Variants in ARAP1 observed in about 807,000 individuals in gnomAD.
ARAP1 encodes arf-GAP with Rho-GAP domain, ANK repeat and PH domain-containing protein 1.
ARAP1 carries 76 observed loss-of-function variants against 172.2 expected under a neutral mutation model. That is an observed-to-expected ratio of 0.44 (90% CI 0.37 to 0.53). ARAP1 has a LOEUF of 0.53. Ranked by LOEUF, ARAP1 falls within the 20% of genes least tolerant of loss-of-function variation. ARAP1 has a pLI of 0.00. For missense variants in ARAP1, 1,686 were observed against 1,977.5 expected (o/e 0.85, Z 2.80); for synonymous variants, 804 against 803.3 (o/e 1.00, Z -0.01).
At chr11:72,709,502 G>C (rs1856913243) in intron 11 of ARAP1, among the ~76,000 whole-genome samples, 3 of 152,174 alleles carry the variant, frequency 2.0e-5, no homozygotes, top group Admixed American at 2.0e-4. Flanking sequence ...CAGAGGCTTG[G>C]TGGCCCAGAG....
chr11:72,691,527 G>A (rs147563213), intron 30 of ARAP1, among the ~76,000 whole-genome samples: 4 of 152,358 alleles, frequency 2.6e-5, no homozygotes, highest in African/African-American at 9.6e-5. Context: ...GGGCAAAGGA[G>A]AGAAGAGACG....
intron 13 of ARAP1, 77 bp downstream of exon 13, chr11:72,705,728 G>A: frequency 1.4e-6 from 2 of 1,467,090 alleles, no homozygotes; most frequent in East Asian, 2.3e-5. Flanking sequence ...ACTGAGATAG[G>A]GAGGGGGCTG....
At chr11:72,687,337 G>T in intron 33 of ARAP1, 102 bp downstream of exon 33, 2 of 1,429,890 alleles carry the variant, frequency 1.4e-6, no homozygotes, top group Non-Finnish European at 2.0e-6. Context: ...AAATCTCCTT[G>T]AAGCAAGGGG....
intron 33 of ARAP1, 110 bp from the exon 34 acceptor site, chr11:72,686,301 A>G (rs1033388298): frequency 2.9e-6 from 4 of 1,389,920 alleles, no homozygotes; most frequent in Non-Finnish European, 3.9e-6. Flanking sequence ...CTGAGATGAC[A>G]CCCTCAGCTT....
chr11:72,685,905 G>A lies in ARAP1; in HGVS notation c.4335+137C>T, dbSNP rs755565200. On this transcript the variant is annotated intron_variant, in intron 34 of 34. Transcript: ENST00000393609. ...GTGTGAACCAAAGAGGCCTATGAGG[G>A]CCCCCACCAAGGCTGGAGGGAGGGG... 3 of 1,515,012 alleles carry A rather than the reference G, an allele frequency of 2.0e-6. No individual in the cohort carries two copies. The South Asian group carries it at 3.4e-5, about 17-fold the overall frequency. 93.8% of individuals were successfully genotyped at this position (1,515,012 alleles called of 1,614,324 possible). A position where few individuals can be genotyped will look rare whatever the true frequency, so the allele number is the denominator to read the frequency against.
intron 1 of ARAP1, among the ~76,000 whole-genome samples, chr11:72,744,265 T>C (rs2135593093): frequency 6.6e-6 from 1 of 152,278 alleles, no homozygotes; most frequent in South Asian, 2.1e-4. Context: ...GTCCCAAAGG[T>C]GGCACACAGT....
chr11:72,705,794 G>C lies in ARAP1; in HGVS notation c.1809+11C>G, dbSNP rs372799785. ...ACCCCAAGTATCGGTGGCAAGCAGGGGCATCCCCACCTCGATAAGTGTTTC... is the reference window on the plus strand; with the variant it reads ...ACCCCAAGTATCGGTGGCAAGCAGGCGCATCCCCACCTCGATAAGTGTTTC... On this transcript the variant is annotated intron_variant, in intron 13 of 34. Transcript: ENST00000393609. The C allele has an allele frequency of 6.2e-7, 1 of 1,613,776 alleles. No homozygotes were observed. The highest frequency in any genetic ancestry group is 1.3e-5 in the African/African-American group (1 of 74,884).
intron 33 of ARAP1, among the ~76,000 whole-genome samples, chr11:72,687,044 C>T (rs1855721014): frequency 6.6e-6 from 1 of 152,204 alleles, no homozygotes; most frequent in Non-Finnish European, 1.5e-5. Context: ...TTGCCTAAAC[C>T]GTTCCCTCTG....
At position 72,726,632 on chromosome 11, in the gene ARAP1, C is replaced by CG. The variant is rs752278780; in HGVS notation, c.496dup (p.Arg166ProfsTer9). 1.2e-5 allele frequency: 18 copies of CG among 1,513,604 alleles called. No homozygotes were observed. The highest frequency in any genetic ancestry group is 5.5e-5 in the African/African-American group (4 of 73,318). The allele number at this position is 1,513,604 out of a possible 1,614,324, so 93.8% of individuals were successfully genotyped here. On this transcript the variant is annotated frameshift_variant, in exon 3 of 35. Transcript: ENST00000393609. LOFTEE classifies it high-confidence loss of function. This position sits in a 1 kb window ranked among gnomAD's most constrained non-coding sequence, Gnocchi z 6.5. ...GGCATCCACTCACCTCACCAGCAGGCGGGGGGGTCCGGTGCGGGGCGGCAC... is the reference window on the plus strand; with the variant it reads ...GGCATCCACTCACCTCACCAGCAGGCGGGGGGGGTCCGGTGCGGGGCGGCAC...
intron 2 of ARAP1, among the ~76,000 whole-genome samples, chr11:72,728,241 C>T (rs938697135): frequency 6.6e-6 from 1 of 152,178 alleles, no homozygotes; most frequent in African/African-American, 2.4e-5. Context: ...AGAAGGTCAA[C>T]TGAGAAACTA....
At position 72,697,309 on chromosome 11, in the gene ARAP1, G is replaced by A. The variant is rs374949815; in HGVS notation, c.2953+14C>T. ...CGGGAGGGGCGGGGCTGGCACCCTA[G>A]GGGCAGGGCTCACCGCACTGCGTGA... On this transcript the variant is annotated intron_variant, in intron 21 of 34. Coordinates refer to ENST00000393609, the MANE Select transcript of ARAP1 (RefSeq NM_001040118.3). 6.3e-7 allele frequency: 1 copy of A among 1,577,078 alleles called. No individual in the cohort carries two copies. The highest frequency in any genetic ancestry group is 8.6e-7 in the Non-Finnish European group (1 of 1,160,534).
In ARAP1 at chr11:72,751,266, A is replaced by G. The variant is rs1334929759; in HGVS notation, c.-128+1062T>C. Among the ~76,000 whole-genome samples the G allele has an allele frequency of 2.6e-5, 4 of 152,052 alleles. No individual in the cohort carries two copies. In the East Asian group the frequency reaches 7.7e-4, roughly 29 times the overall value. On this transcript the variant is annotated intron_variant, in intron 1 of 34. Transcript: ENST00000393609. The stretch of plus-strand genomic sequence containing the variant: ...TTCTCTCTACACCTCTGCCAGCCAC[A>G]CCCACCTTTCTGCCATTCCTCAGAC...
rs766013033 is a variant in ARAP1, at chr11:72,697,472, T to C, written c.2804A>G (p.Gln935Arg). Residue 935 changes from glutamine to arginine, a missense_variant, in exon 21 of 35, where the codon CAG (glutamine) becomes CGG (arginine). Physicochemically the swap from Gln to Arg is conservative, Grantham distance 43. This residue lies in a region of ARAP1 where 274 missense variants were observed against 262.7 expected (regional missense o/e 1.04). Transcript: ENST00000393609. ...CATGAAGTCCAGCCGCCGCTCGCCC[T>C]GTATGTACAGTGTCCTGGGCCAGGG... ...LVERRRTLYI[Q>R]GERRLDFMGW... 3.1e-6 allele frequency: 5 copies of C among 1,613,602 alleles called. No individual in the cohort carries two copies. The East Asian group carries it at 6.7e-5, about 22-fold the overall frequency.
In ARAP1 at chr11:72,693,253, C is replaced by A; in HGVS notation, c.3954+72G>T. 4 of 1,563,268 alleles carry A rather than the reference C, an allele frequency of 2.6e-6. No individual in the cohort carries two copies. The highest frequency in any genetic ancestry group is 3.5e-6 in the Non-Finnish European group (4 of 1,150,004). On this transcript the variant is annotated intron_variant, in intron 29 of 34. Transcript: ENST00000393609. The surrounding 1 kb of genome is among the most constrained non-coding windows in gnomAD (Gnocchi z 4.6). ...AACGGGAATATTTCCACTTGCAGAC[C>A]AAGGGGAATCTCTGAGCACATTCAG...
At chr11:72,712,619 C>T in intron 5 of ARAP1, 51 bp from the exon 6 acceptor site, 2 of 1,607,506 alleles carry the variant, frequency 1.2e-6, no homozygotes, top group South Asian at 1.1e-5. Flanking sequence ...CCACAGATCA[C>T]ACCCACCCGG....
intron 2 of ARAP1, among the ~76,000 whole-genome samples, chr11:72,730,256 G>A (rs561257305): frequency 6.6e-6 from 1 of 152,236 alleles, no homozygotes; most frequent in South Asian, 2.1e-4. Context: ...TATCTGAAAA[G>A]GAACTTAACC....
chr11:72,699,491 C>G lies in ARAP1; in HGVS notation c.2364G>C (p.Arg788=). ...DGVLSYFENE[R]AVTPNGEIRA... ...GAATCTCTCCATTGGGGGTCACTGCCCGCTCATTCTCAAAGTAGCTCAGGA... is the reference window on the plus strand; with the variant it reads ...GAATCTCTCCATTGGGGGTCACTGCGCGCTCATTCTCAAAGTAGCTCAGGA... The change falls in exon 17 of 35, where the codon CGG becomes CGC. Residue 788 remains arginine (R), a synonymous_variant. Coordinates refer to ENST00000393609, the MANE Select transcript of ARAP1 (RefSeq NM_001040118.3). The surrounding 1 kb of genome is among the most constrained non-coding windows in gnomAD (Gnocchi z 4.2). 6.2e-7 allele frequency: 1 copy of G among 1,614,006 alleles called. No homozygotes were observed. Among genetic ancestry groups the G allele is most frequent in the South Asian group, 1.1e-5 (1 of 91,044 alleles).
rs776130856 is a variant in ARAP1 at position 72,709,907 on chromosome 11, G to A, written c.1486C>T (p.Arg496Cys). The stretch of plus-strand genomic sequence containing the variant: ...TAGGGCGTGGTGAGGTCGAAGCTGC[G>A]CCGGTCCACTTCCTTCACGTTGCCC... Reference protein sequence around the residue: ...SVGNVKEVDRRSFDLTTPYRI... With the variant: ...SVGNVKEVDRCSFDLTTPYRI... Residue 496 changes from arginine (R) to cysteine (C), a missense_variant, in exon 11 of 35, where the codon CGC becomes TGC. Physicochemically the swap from Arg to Cys is radical, Grantham distance 180 (BLOSUM62 -3). This residue lies in a region of ARAP1 where 688 missense variants were observed against 856.9 expected (regional missense o/e 0.80). Coordinates refer to ENST00000393609, the MANE Select transcript of ARAP1 (RefSeq NM_001040118.3). 1.1e-5 allele frequency: 17 copies of A among 1,614,066 alleles called. No homozygotes were observed. The highest frequency in any genetic ancestry group is 1.6e-4 in the Middle Eastern group (1 of 6,084).
At chr11:72,714,423 C>A in intron 3 of ARAP1, 102 bp from the exon 4 acceptor site, 1 of 1,146,046 alleles carries the variant, frequency 8.7e-7, no homozygotes, top group Non-Finnish European at 1.2e-6. Context: ...TCAGGCACTA[C>A]ACAAACTCAC....
Sources: gnomAD v4.1 joint callset for allele counts (sites outside exome capture counted in the v4.1 genomes callset) on GRCh38, gnomAD v4.1.1 for gene constraint, gnomAD v4.1.1 regional missense constraint, Gnocchi (gnomAD v3.1) non-coding constraint, MANE v1.5 for transcripts, NCBI Gene and HGNC (gene_info 2026-07-23, HGNC 2026-07-21) for gene names.